ANKRD18B: variants seen among roughly 807,000 people sequenced by gnomAD.
ANKRD18B encodes ankyrin repeat domain 18B.
ANKRD18B carries 75 observed loss-of-function variants against 111.8 expected under a neutral mutation model. That is an observed-to-expected ratio of 0.67 (90% CI 0.56 to 0.81). The LOEUF is 0.81. Among genes scored for constraint, ANKRD18B ranks in the 40% least tolerant of loss-of-function variants. The pLI, the probability that ANKRD18B is intolerant of heterozygous loss-of-function variation, is 0.00. For missense variants in ANKRD18B, 1,038 were observed against 1,225.5 expected, an observed-to-expected ratio of 0.85 and a Z score of 2.28; for synonymous variants, 356 against 417.3, an observed-to-expected ratio of 0.85 and a Z score of 1.79.
chr9:33,549,588 T>A (rs1828417559), intron 11 of ANKRD18B, among the ~76,000 whole-genome samples: 1 of 152,178 alleles, frequency 6.6e-6, no homozygotes, highest in Non-Finnish European at 1.5e-5. Context: ...TGTTGCTGTG[T>A]CTTGTGATGC....
chr9:33,534,908 G>A (rs1828174252), intron 5 of ANKRD18B, among the ~76,000 whole-genome samples: 2 of 143,994 alleles, frequency 1.4e-5, no homozygotes, highest in South Asian at 2.2e-4. Context: ...CCTTGGCCTC[G>A]CAAACTGCTA....
At chr9:33,561,171 T>A (rs2118109196) in intron 14 of ANKRD18B, among the ~76,000 whole-genome samples, 1 of 152,358 alleles carries the variant, frequency 6.6e-6, no homozygotes, top group Non-Finnish European at 1.5e-5. Flanking sequence ...ATAAGGGCTT[T>A]AATTTCTTTA....
intron 9 of ANKRD18B, among the ~76,000 whole-genome samples, chr9:33,542,523 T>C (rs1216625931): frequency 2.6e-5 from 4 of 152,032 alleles, no homozygotes; most frequent in Admixed American, 2.0e-4. Context: ...GCTGGGACTG[T>C]AGGCACAGAC....
chr9:33,575,172 T>C (rs1251771553), downstream of ANKRD18B, among the ~76,000 whole-genome samples: 3 of 152,174 alleles, frequency 2.0e-5, no homozygotes, highest in Non-Finnish European at 4.4e-5. Context: ...CTTGCAGCAA[T>C]TCCATTCTGC....
intron 14 of ANKRD18B, among the ~76,000 whole-genome samples, chr9:33,564,858 AAG>A (rs1828662476): frequency 6.6e-6 from 1 of 152,192 alleles, no homozygotes; most frequent in Non-Finnish European, 1.5e-5. Context: ...CTCTTAAAAA[AAG>A]AGAAATATCT....
intron 12 of ANKRD18B, among the ~76,000 whole-genome samples, chr9:33,553,338 A>C (rs541871856): frequency 6.6e-6 from 1 of 152,078 alleles, no homozygotes; most frequent in Admixed American, 6.6e-5. Flanking sequence ...ACTGCACTCC[A>C]GCCTGGGTAA....
rs554783821 is a variant in ANKRD18B, at chr9:33,545,574, T to A, written c.1149+2319T>A. Among the ~76,000 whole-genome samples the A allele has an allele frequency of 2.6e-5, 4 of 152,338 alleles. No homozygotes were observed. The East Asian group carries it at 5.8e-4, about 22-fold the overall frequency. ...AAGCTTAGAAGGTGTTTGGCAAGTG[T>A]GTTTCAGGGACCCACATATGACAGT... On this transcript the variant is annotated intron_variant, in intron 10 of 18. Coordinates refer to ENST00000684830, the MANE Select transcript of ANKRD18B (RefSeq NM_001393611.1).
At chr9:33,546,211 C>A (rs1020898782) in intron 10 of ANKRD18B, among the ~76,000 whole-genome samples, 1 of 152,062 alleles carries the variant, frequency 6.6e-6, no homozygotes, top group Non-Finnish European at 1.5e-5. Context: ...TGTATCTGAC[C>A]TTGAGAGTTG....
chr9:33,561,880 G>A (rs574077150), intron 14 of ANKRD18B, among the ~76,000 whole-genome samples: 6 of 152,160 alleles, frequency 3.9e-5, no homozygotes, highest in African/African-American at 1.2e-4. Context: ...CTTAGTTTAT[G>A]TCTATTCTTA....
rs1339160811 is a variant in ANKRD18B at position 33,534,445 on chromosome 9, C to T, written c.678C>T (p.Ile226=). 6.4e-7 allele frequency: 1 copy of T among 1,551,216 alleles called. No individual in the cohort carries two copies. The highest frequency in any genetic ancestry group is 8.7e-7 in the Non-Finnish European group (1 of 1,146,868). Residue 226 remains isoleucine (I), a synonymous_variant, in exon 5 of 19, where the codon ATC becomes ATT. Transcript: ENST00000684830. ...VTLLLQQNIH[I]SSQDMFGQTA... ...TCCTGCTTCAACAAAATATACATAT[C>T]TCTTCTCAAGACATGTTTGGCCAAA...
Position 33,550,457 on chromosome 9 carries a change from C to A in ANKRD18B, c.2095C>A (p.Leu699Met). The A allele has an allele frequency of 1.3e-6, 2 of 1,544,420 alleles. No homozygotes were observed. Among genetic ancestry groups the A allele is most frequent in the Non-Finnish European group, 1.7e-6 (2 of 1,144,306 alleles). ...EVIVREFQEELVDHLKKFSMS... is the reference protein window; with the variant it reads ...EVIVREFQEEMVDHLKKFSMS... ...GATTGTGAGAGAATTTCAAGAAGAA[C>A]TGGTCGATCATCTTAAAAAATTTTC... The change falls in exon 12 of 19, where the codon CTG becomes ATG. Residue 699 changes from leucine to methionine, a missense_variant. Around this residue, in one of 4 missense-constraint regions of ANKRD18B, gnomAD observed 524 missense variants for 677.9 expected, o/e 0.77. Transcript: ENST00000684830.
chr9:33,574,089 G>A (rs1828823717), downstream of ANKRD18B, among the ~76,000 whole-genome samples: 1 of 141,394 alleles, frequency 7.1e-6, no homozygotes, highest in African/African-American at 2.5e-5. Context: ...GCTGGGGACT[G>A]ATCCATGGAG....
chr9:33,570,338 T>A (rs567548482), intron 17 of ANKRD18B, among the ~76,000 whole-genome samples: 1 of 152,290 alleles, frequency 6.6e-6, no homozygotes, highest in South Asian at 2.1e-4. Context: ...AACTGCTTCT[T>A]GGGTCCTATG....
At chr9:33,566,823 C>T (rs1487711078) in intron 15 of ANKRD18B, 5 of 407,760 alleles carry the variant, frequency 1.2e-5, no homozygotes, top group African/African-American at 8.4e-5. Flanking sequence ...CTACGTTGTT[C>T]ATTGTTCACT....
At chr9:33,547,598 A>AT (rs1340064956) in intron 10 of ANKRD18B, among the ~76,000 whole-genome samples, 1 of 151,910 alleles carries the variant, frequency 6.6e-6, no homozygotes, top group Non-Finnish European at 1.5e-5. Context: ...ATTTAGTCAA[A>AT]TTTTTAAACA....
intron 14 of ANKRD18B, among the ~76,000 whole-genome samples, 187 bp downstream of exon 14, chr9:33,558,374 A>G (rs753502125): frequency 4.0e-4 from 60 of 151,878 alleles, no homozygotes; most frequent in Non-Finnish European, 6.0e-4. Flanking sequence ...AACAAGCCCC[A>G]GTGTTTGTTG....
At chr9:33,536,476 CTCATT>C (rs1828203395) in intron 5 of ANKRD18B, among the ~76,000 whole-genome samples, 1 of 152,212 alleles carries the variant, frequency 6.6e-6, no homozygotes, top group South Asian at 2.1e-4. Context: ...AACATGTTTT[CTCATT>C]GCATCCTCCT....
At chr9:33,545,102 C>A (rs574810565) in intron 10 of ANKRD18B, among the ~76,000 whole-genome samples, 93 of 152,290 alleles carry the variant, frequency 6.1e-4, no homozygotes, top group Admixed American at 1.7e-3. Context: ...TGCATTTATA[C>A]TCTGGGTCCC....
chr9:33,550,385 A>C, intron 11 of ANKRD18B, 45 bp from the exon 12 acceptor site: 6 of 1,491,134 alleles, frequency 4.0e-6, no homozygotes, highest in Non-Finnish European at 5.4e-6. Context: ...ACATAATTTA[A>C]TAATAAGGCA....
Sources: allele counts gnomAD v4.1 joint callset (sites outside exome capture counted in the v4.1 genomes callset), GRCh38; gene constraint gnomAD v4.1.1; regional missense constraint gnomAD v4.1.1; transcripts MANE v1.5; gene names NCBI Gene and HGNC (gene_info 2026-07-23, HGNC 2026-07-21).